SLC71A1: variants seen among roughly 807,000 people sequenced by gnomAD.
SLC71A1 encodes the protein hippocampus abundant gene transcript 1.
the SLC71A1 span, among the ~76,000 whole-genome samples, chr1:100,066,661 C>T: frequency 5.9e-5 from 9 of 152,154 alleles, no homozygotes; most frequent in Non-Finnish European, 1.0e-4. Flanking sequence ...GTACAGTGCC[C>T]AGGCTCTCAA....
the SLC71A1 span, among the ~76,000 whole-genome samples, chr1:100,048,650 G>GA: frequency 6.6e-6 from 1 of 152,100 alleles, no homozygotes; most frequent in East Asian, 1.9e-4. Context: ...TATCAAAGAA[G>GA]AAAAACCTTC....
chr1:100,038,249 A>C, the SLC71A1 span: 1 of 1,559,304 alleles, frequency 6.4e-7, no homozygotes, highest in Non-Finnish European at 8.7e-7. Context: ...CAGGGGAAGA[A>C]GAAGAAACGG....
the SLC71A1 span, chr1:100,080,538 A>G: frequency 1.4e-5 from 22 of 1,613,918 alleles, no homozygotes; most frequent in Middle Eastern, 3.3e-4. Context: ...GGATTATGCA[A>G]TGGTCTGGGA....
chr1:100,064,853 A>T, the SLC71A1 span, among the ~76,000 whole-genome samples: 1 of 151,196 alleles, frequency 6.6e-6, no homozygotes, highest in Non-Finnish European at 1.5e-5. Flanking sequence ...CCTCCAAAGC[A>T]GTTGGGACCA....
At chr1:100,050,715 A>G in the SLC71A1 span, among the ~76,000 whole-genome samples, 3 of 152,198 alleles carry the variant, frequency 2.0e-5, no homozygotes, top group Non-Finnish European at 4.4e-5. Context: ...ATGTAAGTAG[A>G]TTGAACTAGC....
At chr1:100,067,979 T>G in the SLC71A1 span, 1 of 1,613,892 alleles carries the variant, frequency 6.2e-7, no homozygotes, top group East Asian at 2.2e-5. Context: ...TATTGCAGGT[T>G]TCAGCAACAT....
the SLC71A1 span, among the ~76,000 whole-genome samples, chr1:100,070,708 C>T: frequency 6.6e-6 from 1 of 152,252 alleles, no homozygotes; most frequent in Non-Finnish European, 1.5e-5. Flanking sequence ...CATTGTCCTC[C>T]TTCCTGTGAA....
chr1:100,063,187 T>C, the SLC71A1 span, among the ~76,000 whole-genome samples: 1 of 152,142 alleles, frequency 6.6e-6, no homozygotes, highest in Non-Finnish European at 1.5e-5. Flanking sequence ...TTTGACGTAA[T>C]TTATTTTCCC....
the SLC71A1 span, among the ~76,000 whole-genome samples, chr1:100,062,442 G>C: frequency 6.6e-6 from 1 of 152,138 alleles, no homozygotes; most frequent in Non-Finnish European, 1.5e-5. Context: ...CCAGATTTGA[G>C]CCATAGTGGT....
the SLC71A1 span, among the ~76,000 whole-genome samples, chr1:100,056,541 C>CG: frequency 1.2e-4 from 19 of 152,018 alleles, no homozygotes; most frequent in Non-Finnish European, 2.4e-4. Flanking sequence ...ACCTGGGAGG[C>CG]GGAGGTTGCA....
At chr1:100,038,625 C>T in the SLC71A1 span, among the ~76,000 whole-genome samples, 2 of 152,012 alleles carry the variant, frequency 1.3e-5, no homozygotes, top group African/African-American at 4.8e-5. Flanking sequence ...GAGGAATGTG[C>T]GGGGCTCCCC....
the SLC71A1 span, among the ~76,000 whole-genome samples, chr1:100,050,640 G>C: frequency 6.6e-6 from 1 of 152,062 alleles, no homozygotes; most frequent in African/African-American, 2.4e-5. Flanking sequence ...GAGGAATAGA[G>C]TTTTAAAGTA....
At chr1:100,048,764 C>A in the SLC71A1 span, among the ~76,000 whole-genome samples, 1 of 152,222 alleles carries the variant, frequency 6.6e-6, no homozygotes, top group Non-Finnish European at 1.5e-5. Flanking sequence ...CTCATCTACT[C>A]TGGTGGTTTC....
chr1:100,079,076 C>T, the SLC71A1 span: 1 of 152,092 alleles, frequency 6.6e-6, no homozygotes, highest in Non-Finnish European at 1.5e-5. Context: ...AGACCTGTCT[C>T]AAAAAAATTT....
the SLC71A1 span, among the ~76,000 whole-genome samples, chr1:100,068,873 C>T: frequency 1.3e-5 from 2 of 152,076 alleles, no homozygotes; most frequent in Non-Finnish European, 2.9e-5. Flanking sequence ...ATCCCAGCTA[C>T]TTGGGAGGCT....
chr1:100,062,112 G>T, the SLC71A1 span: 1 of 527,178 alleles, frequency 1.9e-6, no homozygotes, highest in Non-Finnish European at 3.3e-6. Context: ...TTTTTTTGCG[G>T]TATGAGGCTA....
At chr1:100,059,124 C>A in the SLC71A1 span, among the ~76,000 whole-genome samples, 2 of 96,766 alleles carry the variant, frequency 2.1e-5, no homozygotes, top group African/African-American at 4.7e-5. Flanking sequence ...TATATGAATT[C>A]TTTGCTCTTT....
chr1:100,083,341 T>TAA, the SLC71A1 span: 4 of 152,534 alleles, frequency 2.6e-5, no homozygotes, highest in African/African-American at 9.6e-5. Flanking sequence ...ATTCTGTTAA[T>TAA]AAAGTTAAAT....
At chr1:100,067,940 G>C in the SLC71A1 span, 1 of 1,559,778 alleles carries the variant, frequency 6.4e-7, no homozygotes, top group Non-Finnish European at 8.8e-7. Context: ...GAAAAAAGTA[G>C]CCTGACTAAT....
Sources: allele counts gnomAD v4.1 joint callset (sites outside exome capture counted in the v4.1 genomes callset), GRCh38; gene constraint gnomAD v4.1.1; transcripts MANE v1.5; gene names NCBI Gene and HGNC (gene_info 2026-07-23, HGNC 2026-07-21).